The following TBC1D17 variants were observed in gnomAD, a reference collection of about 807,000 sequenced individuals.
TBC1D17 encodes the protein TBC1 domain family member 17.
In TBC1D17, 69 loss-of-function variants were observed where a neutral mutation model predicts 78.8. That is an observed-to-expected ratio of 0.88 (90% CI 0.72 to 1.07). The LOEUF is 1.07. Ranked by LOEUF, TBC1D17 falls within the 50% of genes least tolerant of loss-of-function variation. The pLI is 0.00. For missense variants in TBC1D17, 957 were observed against 861.0 expected (o/e 1.11, Z -1.39); for synonymous variants, 456 against 358.3 (o/e 1.27, Z -3.08).
At chr19:49,878,656 A>G (rs2074982408) in intron 3 of TBC1D17, 84 bp downstream of exon 3, 1 of 1,329,630 alleles carries the variant, frequency 7.5e-7, no homozygotes, top group East Asian at 2.3e-5. Context: ...ACCTGCGTAC[A>G]ATCCCAGACC....
intron 9 of TBC1D17, among the ~76,000 whole-genome samples, 167 bp from the exon 10 acceptor site, chr19:49,883,484 A>G (rs1168744590): frequency 2.6e-5 from 4 of 152,090 alleles, no homozygotes; most frequent in Non-Finnish European, 5.9e-5. Flanking sequence ...GATGCCAGGA[A>G]GGTGAAGTGT....
intron 1 of TBC1D17, 21 bp from the exon 2 acceptor site, chr19:49,878,122 C>G: frequency 6.4e-7 from 1 of 1,559,038 alleles, no homozygotes; most frequent in Non-Finnish European, 8.7e-7. Context: ...CCCCAGCCCT[C>G]GCTGGTTCCC....
chr19:49,878,032 C>G (rs2074973504), intron 1 of TBC1D17, 111 bp from the exon 2 acceptor site: 1 of 917,286 alleles, frequency 1.1e-6, no homozygotes, highest in African/African-American at 1.7e-5. Context: ...GGGCAATGGC[C>G]CTCCCGGCCC....
In TBC1D17 at chr19:49,882,744, C is replaced by T. The variant is rs1482771630; in HGVS notation, c.799-20C>T. The T allele has an allele frequency of 3.9e-6, 6 of 1,539,348 alleles. No homozygotes were observed. The highest frequency in any genetic ancestry group is 5.2e-6 in the Non-Finnish European group (6 of 1,143,024). On this transcript the variant is annotated intron_variant, in intron 7 of 16. Transcript: ENST00000221543. Reference sequence around the variant, plus strand: ...CCACCACCCCGCCGAGCCCCAGGCTCATTTGCTCTTTGCCTGCAGGTGGAG... The same window carrying T: ...CCACCACCCCGCCGAGCCCCAGGCTTATTTGCTCTTTGCCTGCAGGTGGAG...
intron 4 of TBC1D17, among the ~76,000 whole-genome samples, chr19:49,880,871 C>T (rs1252024406): frequency 6.6e-6 from 1 of 152,158 alleles, no homozygotes; most frequent in Non-Finnish European, 1.5e-5. Context: ...GAGAGCAGCC[C>T]GTGCAAGCCA....
rs756159014 is a variant in TBC1D17, at chr19:49,882,170, G to A, written c.639+18G>A. ...TGGTGTCAGTGAGTGTCCCCAGCAG[G>A]AGGCCTGGCGGGTGTGGGCAGGGAG... On this transcript the variant is annotated intron_variant, in intron 6 of 16. Coordinates refer to ENST00000221543, the MANE Select transcript of TBC1D17 (RefSeq NM_024682.3). 4 of 1,613,826 alleles carry A rather than the reference G, an allele frequency of 2.5e-6. No homozygotes were observed. The highest frequency in any genetic ancestry group is 8.5e-7 in the Non-Finnish European group (1 of 1,179,994).
intron 9 of TBC1D17, among the ~76,000 whole-genome samples, 195 bp from the exon 10 acceptor site, chr19:49,883,456 C>T (rs2075033294): frequency 6.6e-6 from 1 of 152,124 alleles, no homozygotes; most frequent in Non-Finnish European, 1.5e-5. Flanking sequence ...CAAAAGGCCA[C>T]AAGGCTATGT....
chr19:49,887,807 C>T lies in TBC1D17; in HGVS notation c.1632C>T (p.Ser544=), dbSNP rs1358076903. 4.3e-6 allele frequency: 7 copies of T among 1,610,986 alleles called. No individual in the cohort carries two copies. The South Asian group carries it at 4.4e-5, about 10-fold the overall frequency. Residue 544 remains serine, a synonymous_variant, in exon 15 of 17, where the codon TCC becomes TCT. Transcript: ENST00000221543. ...TGGAGAGGGACACCCTCATGCTGTC[C>T]GGCTTCGGCTCCAATGAGATCCTCA... is the stretch of plus-strand genomic sequence containing the variant. ...LDMERDTLML[S]GFGSNEILKH... is the part of the protein sequence containing the mutation.
chr19:49,887,462 A>T lies in TBC1D17; in HGVS notation c.1445-14A>T. ...CGCTGGGCAAGGCTGAGTGGGCTCCATGTCATCCCCCAGATTCCCAGGACT... is the reference window on the plus strand; with the variant it reads ...CGCTGGGCAAGGCTGAGTGGGCTCCTTGTCATCCCCCAGATTCCCAGGACT... On this transcript the variant is annotated splice_polypyrimidine_tract_variant and intron_variant, in intron 13 of 16. Transcript: ENST00000221543. The T allele has an allele frequency of 6.2e-7, 1 of 1,612,986 alleles. No individual in the cohort carries two copies. The highest frequency in any genetic ancestry group is 1.1e-5 in the South Asian group (1 of 90,788).
intron 8 of TBC1D17, 35 bp downstream of exon 8, chr19:49,882,927 G>A (rs374659155): frequency 1.9e-6 from 3 of 1,598,560 alleles, no homozygotes; most frequent in Non-Finnish European, 1.7e-6. Context: ...ATGGGGCAGG[G>A]CCAGAACAAG....
rs377217207 is a variant in TBC1D17, at chr19:49,882,285, C to G, written c.683C>G (p.Ser228Cys). The G allele has an allele frequency of 1.9e-6, 3 of 1,612,334 alleles. No individual in the cohort carries two copies. In the African/African-American group the frequency reaches 4.0e-5, roughly 21 times the overall value. ...TACTCCACCACCTTCAGCAGCTTCTCCCGAGTGACCAACTTCTTCCGGGGT... is the reference window on the plus strand; with the variant it reads ...TACTCCACCACCTTCAGCAGCTTCTGCCGAGTGACCAACTTCTTCCGGGGT... ...DPYSTTFSSF[S>C]RVTNFFRGAL... The change falls in exon 7 of 17, where the codon TCC becomes TGC. Residue 228 changes from serine to cysteine, a missense_variant. Transcript: ENST00000221543.
chr19:49,882,789 T>A lies in TBC1D17; in HGVS notation c.824T>A (p.Val275Glu), dbSNP rs1346007920. ...SCVELGPRPT[V>E]ERGPPVTEEE... ...GTGGAGCTGGGGCCTCGGCCAACCG[T>A]GGAGCGGGGCCCTCCAGTTACAGAG... Residue 275 changes from valine to glutamate, a missense_variant, in exon 8 of 17, where the codon GTG becomes GAG. Physicochemically the swap from Val to Glu is moderately radical, Grantham distance 121 (BLOSUM62 -2). Coordinates refer to ENST00000221543, the MANE Select transcript of TBC1D17 (RefSeq NM_024682.3). 1 of 1,593,020 alleles carries A rather than the reference T, an allele frequency of 6.3e-7. No individual in the cohort carries two copies. The highest frequency in any genetic ancestry group is 8.5e-7 in the Non-Finnish European group (1 of 1,169,852).
chr19:49,884,181 TG>T, intron 10 of TBC1D17, 71 bp from the exon 11 acceptor site: 1 of 1,378,900 alleles, frequency 7.3e-7, no homozygotes, highest in Non-Finnish European at 1.0e-6. Flanking sequence ...CAGTGGGGGC[TG>T]GCACTGGTGG....
chr19:49,885,436 A>T (rs1318296901), intron 13 of TBC1D17: 1 of 39,906 alleles, frequency 2.5e-5, no homozygotes, highest in East Asian at 6.0e-4. Flanking sequence ...CAAGAGCGAA[A>T]GAAACTCCAT....
At chr19:49,881,533 C>A in intron 5 of TBC1D17, 58 bp downstream of exon 5, 1 of 1,519,984 alleles carries the variant, frequency 6.6e-7, no homozygotes, top group Non-Finnish European at 9.0e-7. Context: ...ATGGCTGCAG[C>A]GTGACCCCTC....
intron 7 of TBC1D17, 35 bp downstream of exon 7, chr19:49,882,435 G>T (rs374754688): frequency 1.9e-6 from 3 of 1,581,722 alleles, no homozygotes; most frequent in Non-Finnish European, 2.6e-6. Flanking sequence ...GTTATTTCTG[G>T]CCGTGTCTCC....
chr19:49,880,206 A>G, intron 3 of TBC1D17, 73 bp from the exon 4 acceptor site: 1 of 1,567,554 alleles, frequency 6.4e-7, no homozygotes, highest in Non-Finnish European at 8.7e-7. Flanking sequence ...CAATGGGGCT[A>G]TCTTCCAGGG....
intron 13 of TBC1D17, among the ~76,000 whole-genome samples, chr19:49,886,190 G>A (rs1403163928): frequency 6.6e-6 from 1 of 152,050 alleles, no homozygotes; most frequent in Non-Finnish European, 1.5e-5. Context: ...TGAGACAGGA[G>A]AATCACTTGA....
In TBC1D17 at chr19:49,887,735, C is replaced by A. The variant is rs761440360; in HGVS notation, c.1560C>A (p.Leu520=). Residue 520 remains leucine, a synonymous_variant, in exon 15 of 17, where the codon CTC becomes CTA. Transcript: ENST00000221543. ...LRLWEVLWTG[L]PGPNLHLLVA... is the part of the protein sequence containing the mutation. ...ACCCTCAGGTGCTGTGGACAGGGCT[C>A]CCTGGCCCCAATCTGCACCTGCTGG... is the stretch of plus-strand genomic sequence containing the variant. 1.9e-6 allele frequency: 3 copies of A among 1,613,864 alleles called. No individual in the cohort carries two copies. In the Admixed American group the frequency reaches 5.0e-5, roughly 27 times the overall value.
Sources: gnomAD v4.1 joint callset for allele counts (sites outside exome capture counted in the v4.1 genomes callset) on GRCh38, gnomAD v4.1.1 for gene constraint, MANE v1.5 for transcripts, NCBI Gene and HGNC (gene_info 2026-07-23, HGNC 2026-07-21) for gene names.